The following HELZ variants were observed in gnomAD, a reference collection of about 807,000 sequenced individuals.
The protein encoded by HELZ is helicase with zinc finger, also known as ATP-dependent RNA helicase with zinc finger domain.
A neutral mutation model predicts 218.2 loss-of-function variants in HELZ; 23 were observed. That is an observed-to-expected ratio of 0.11 (90% confidence interval 0.08 to 0.15). HELZ has a LOEUF of 0.15. HELZ is among the 10% of genes least tolerant of loss of function. The pLI is 1.00. For synonymous variants in HELZ, 814 were observed against 829.4 expected, an observed-to-expected ratio of 0.98 and a Z score of 0.32; for missense variants, 1,813 against 2,353.7, an observed-to-expected ratio of 0.77 and a Z score of 4.75.
At chr17:67,155,899 G>C (rs1420648608) in intron 17 of HELZ, among the ~76,000 whole-genome samples, 1 of 149,662 alleles carries the variant, frequency 6.7e-6, no homozygotes, top group Non-Finnish European at 1.5e-5. Context: ...ACCAAATTAA[G>C]ACATAACAGT....
At chr17:67,083,422 A>ACT (rs1325759647) in intron 32 of HELZ, among the ~76,000 whole-genome samples, 1 of 152,036 alleles carries the variant, frequency 6.6e-6, no homozygotes, top group Non-Finnish European at 1.5e-5. Context: ...CGGACAGATC[A>ACT]TGAGGTCAGG....
chr17:67,110,629 G>A (rs961166313), intron 28 of HELZ, among the ~76,000 whole-genome samples: 32 of 152,300 alleles, frequency 2.1e-4, no homozygotes, highest in African/African-American at 7.7e-4. Flanking sequence ...CAAGAGCCTA[G>A]TGCAGGCGTC....
chr17:67,150,691 T>C (rs2038655872), intron 18 of HELZ, among the ~76,000 whole-genome samples: 2 of 152,192 alleles, frequency 1.3e-5, no homozygotes, highest in Admixed American at 1.3e-4. Context: ...AAATTGGAAT[T>C]CTTCATATGA....
intron 28 of HELZ, among the ~76,000 whole-genome samples, chr17:67,112,843 A>G (rs1376983870): frequency 6.6e-6 from 1 of 152,332 alleles, no homozygotes; most frequent in African/African-American, 2.4e-5. Context: ...GGAACTTTTT[A>G]AAAAAGACGG....
chr17:67,127,143 T>A (rs1327360805), intron 24 of HELZ, among the ~76,000 whole-genome samples: 2 of 152,160 alleles, frequency 1.3e-5, no homozygotes, highest in Non-Finnish European at 2.9e-5. Context: ...ACCCACCCAA[T>A]AAACTTCTGA....
intron 18 of HELZ, 141 bp from the exon 19 acceptor site, chr17:67,150,126 C>CTTT: frequency 1.6e-5 from 4 of 251,176 alleles, no homozygotes; most frequent in South Asian, 5.2e-5. Flanking sequence ...TATTTATTTT[C>CTTT]TTTCTTTTTT....
At chr17:67,100,819 G>A (rs1361227577) in intron 31 of HELZ, among the ~76,000 whole-genome samples, 1 of 152,064 alleles carries the variant, frequency 6.6e-6, no homozygotes, top group African/African-American at 2.4e-5. Context: ...AGAAGAGAGA[G>A]GCCAGGCATG....
rs576215402 is a variant in HELZ at position 67,131,938 on chromosome 17, T to C, written c.3183-3083A>G. Among the ~76,000 whole-genome samples the C allele has an allele frequency of 2.6e-5, 4 of 152,294 alleles. No individual in the cohort carries two copies. The South Asian group carries it at 8.3e-4, about 32-fold the overall frequency. On this transcript the variant is annotated intron_variant, in intron 23 of 32. Transcript: ENST00000358691. ...AATACAGATAATTGACAGATCACAA[T>C]AGAATGAGGACAAGAATTCACCACT...
At chr17:67,160,876 G>A in intron 16 of HELZ, 21 bp downstream of exon 16, 1 of 1,552,954 alleles carries the variant, frequency 6.4e-7, no homozygotes, top group Non-Finnish European at 8.7e-7. Flanking sequence ...GGAAATATGA[G>A]CACGCTTCCC....
At chr17:67,135,026 A>C (rs544629195) in intron 23 of HELZ, among the ~76,000 whole-genome samples, 1 of 152,146 alleles carries the variant, frequency 6.6e-6, no homozygotes, top group African/African-American at 2.4e-5. Context: ...CAAAAGGCCA[A>C]ATCTTCTATT....
At chr17:67,185,092 A>T (rs1007024134) in intron 12 of HELZ, among the ~76,000 whole-genome samples, 2 of 152,212 alleles carry the variant, frequency 1.3e-5, no homozygotes, top group African/African-American at 4.8e-5. Flanking sequence ...CAAATTAGCC[A>T]GGCTGTCAGA....
At chr17:67,094,315 T>C (rs543881821) in intron 31 of HELZ, among the ~76,000 whole-genome samples, 138 of 139,036 alleles carry the variant, frequency 9.9e-4, no homozygotes, top group African/African-American at 4.1e-3. Flanking sequence ...GAGGGAGACC[T>C]GGTCTTGAAA....
intron 32 of HELZ, among the ~76,000 whole-genome samples, chr17:67,082,860 G>GTTTT (rs1181656722): frequency 1.6e-5 from 2 of 122,210 alleles, no homozygotes; most frequent in Non-Finnish European, 3.5e-5. Flanking sequence ...TTTTTTTTTT[G>GTTTT]TTTTTTTTTT....
At position 67,190,368 on chromosome 17, in the gene HELZ, G is replaced by A. The variant is rs2039860819; in HGVS notation, c.558-13C>T. The A allele has an allele frequency of 6.3e-7, 1 of 1,583,800 alleles. No homozygotes were observed. The highest frequency in any genetic ancestry group is 1.1e-5 in the South Asian group (1 of 90,368). ...TTGTTCTAAAAATCTAAGTAGAATA[G>A]GAAAGACTGTTTTATCATATACTTT... On this transcript the variant is annotated splice_polypyrimidine_tract_variant and intron_variant, in intron 9 of 32. Coordinates refer to ENST00000358691, the MANE Select transcript of HELZ (RefSeq NM_014877.4).
At chr17:67,180,893 A>AG (rs2039591721) in intron 12 of HELZ, among the ~76,000 whole-genome samples, 3 of 151,032 alleles carry the variant, frequency 2.0e-5, no homozygotes, top group East Asian at 3.9e-4. Context: ...AAAAAAAAAA[A>AG]AAAAAAAATT....
At chr17:67,169,288 T>C (rs971887960) in intron 13 of HELZ, among the ~76,000 whole-genome samples, 2 of 152,186 alleles carry the variant, frequency 1.3e-5, no homozygotes, top group Non-Finnish European at 2.9e-5. Flanking sequence ...TGAGACTGGA[T>C]AATTTATAAA....
At chr17:67,167,940 A>T in intron 13 of HELZ, 144 bp from the exon 14 acceptor site, 1 of 639,946 alleles carries the variant, frequency 1.6e-6, no homozygotes, top group Non-Finnish European at 2.6e-6. Flanking sequence ...TAAAAACTGT[A>T]TTTTTCTGCC....
intron 13 of HELZ, among the ~76,000 whole-genome samples, chr17:67,170,841 A>G (rs1414953559): frequency 6.6e-6 from 1 of 151,548 alleles, no homozygotes; most frequent in Non-Finnish European, 1.5e-5. Context: ...AAAAAAAAAA[A>G]GAGCAGGAAC....
chr17:67,120,828 G>A lies in HELZ; in HGVS notation c.3631-216C>T, dbSNP rs534215175. Among the ~76,000 whole-genome samples, 9 of 152,310 alleles carry A rather than the reference G, an allele frequency of 5.9e-5. No individual in the cohort carries two copies. The East Asian group carries it at 9.6e-4, about 16-fold the overall frequency. ...AAACAGCTCCCTGCACCTTTAGTATGTAATGGAAAATAGATCATTTTTCAG... is the reference window on the plus strand; with the variant it reads ...AAACAGCTCCCTGCACCTTTAGTATATAATGGAAAATAGATCATTTTTCAG... On this transcript the variant is annotated intron_variant, in intron 26 of 32. Coordinates refer to ENST00000358691, the MANE Select transcript of HELZ (RefSeq NM_014877.4).
Sources: gnomAD v4.1 joint callset for allele counts (sites outside exome capture counted in the v4.1 genomes callset) on GRCh38, gnomAD v4.1.1 for gene constraint, MANE v1.5 for transcripts, NCBI Gene and HGNC (gene_info 2026-07-23, HGNC 2026-07-21) for gene names.